GALNTL6: variants seen among roughly 807,000 people sequenced by gnomAD.
GALNTL6 encodes polypeptide N-acetylgalactosaminyltransferase-like 6.
GALNTL6 carries 46 observed loss-of-function variants against 73.7 expected under a neutral mutation model. That is an observed-to-expected ratio of 0.62 (90% CI 0.49 to 0.80). The LOEUF (loss-of-function observed/expected upper bound fraction) is 0.80. GALNTL6 is among the 30% of genes least tolerant of loss of function. The pLI, the probability that GALNTL6 is intolerant of heterozygous loss-of-function variation, is 0.00. For synonymous variants in GALNTL6, 259 were observed against 263.7 expected (o/e 0.98, Z 0.17); for missense variants, 604 against 755.0 (o/e 0.80, Z 2.34).
intron 5 of GALNTL6, among the ~76,000 whole-genome samples, chr4:172,381,372 T>C (rs56403496): frequency 0.033 from 5,048 of 152,246 alleles, 110 homozygotes; most frequent in South Asian, 0.035. Flanking sequence ...TCCAATCTTA[T>C]AATAGTTTCA....
chr4:172,748,729 A>G (rs969863596), intron 5 of GALNTL6, among the ~76,000 whole-genome samples: 14 of 152,158 alleles, frequency 9.2e-5, no homozygotes, highest in African/African-American at 3.4e-4. Flanking sequence ...ATAATAATGT[A>G]TATTTCAAAA....
At chr4:171,866,388 GA>G (rs1383731590) in intron 2 of GALNTL6, among the ~76,000 whole-genome samples, 3 of 151,644 alleles carry the variant, frequency 2.0e-5, no homozygotes, top group Non-Finnish European at 4.4e-5. Context: ...TATTATTGAA[GA>G]AAAAATATAT....
chr4:172,679,787 T>C (rs1238132543), intron 5 of GALNTL6, among the ~76,000 whole-genome samples: 2 of 152,240 alleles, frequency 1.3e-5, no homozygotes, highest in South Asian at 2.1e-4. Context: ...CCCAAGATTA[T>C]ACAATTCTTA....
intron 8 of GALNTL6, among the ~76,000 whole-genome samples, chr4:172,905,779 A>G (rs1746851057): frequency 6.9e-6 from 1 of 145,182 alleles, no homozygotes; most frequent in South Asian, 2.4e-4. Context: ...GAGTTTTAAG[A>G]TGGAAAAGAA....
chr4:172,916,985 T>A (rs1442853966), intron 8 of GALNTL6, among the ~76,000 whole-genome samples: 1 of 152,168 alleles, frequency 6.6e-6, no homozygotes, highest in Non-Finnish European at 1.5e-5. Context: ...TCACACTACC[T>A]GACTTCAAAC....
At chr4:172,871,309 T>A (rs773929537) in intron 7 of GALNTL6, among the ~76,000 whole-genome samples, 1 of 152,132 alleles carries the variant, frequency 6.6e-6, no homozygotes, top group Non-Finnish European at 1.5e-5. Flanking sequence ...GTTGAACATG[T>A]TCTTATCTGG....
At chr4:172,262,431 A>C (rs1330564081) in intron 3 of GALNTL6, among the ~76,000 whole-genome samples, 1 of 151,452 alleles carries the variant, frequency 6.6e-6, no homozygotes, top group Non-Finnish European at 1.5e-5. Flanking sequence ...GTCTCATATA[A>C]GAATAGCTAC....
intron 10 of GALNTL6, among the ~76,000 whole-genome samples, chr4:173,004,830 C>T (rs1025601872): frequency 1.3e-5 from 2 of 151,998 alleles, no homozygotes; most frequent in South Asian, 4.1e-4. Flanking sequence ...TAATTTTTTG[C>T]TGTATACCTG....
At chr4:172,065,287 C>T (rs1182178967) in intron 2 of GALNTL6, among the ~76,000 whole-genome samples, 1 of 152,090 alleles carries the variant, frequency 6.6e-6, no homozygotes, top group African/African-American at 2.4e-5. Flanking sequence ...GGTTTGTGCT[C>T]CTATGAGACT....
intron 5 of GALNTL6, among the ~76,000 whole-genome samples, chr4:172,732,718 C>T (rs1736225483): frequency 6.6e-6 from 1 of 151,928 alleles, no homozygotes; most frequent in Non-Finnish European, 1.5e-5. Context: ...CTGTGGTTAT[C>T]ATGAGATTTC....
chr4:172,697,204 A>G (rs1733750950), intron 5 of GALNTL6, among the ~76,000 whole-genome samples: 1 of 152,206 alleles, frequency 6.6e-6, no homozygotes, highest in South Asian at 2.1e-4. Flanking sequence ...ATTTCTGAAA[A>G]TACTGGTTTT....
At chr4:172,663,962 A>G (rs1007263749) in intron 5 of GALNTL6, among the ~76,000 whole-genome samples, 5 of 147,828 alleles carry the variant, frequency 3.4e-5, no homozygotes, top group Non-Finnish European at 7.5e-5. Flanking sequence ...GATGACTTAC[A>G]TGCCCAACTG....
Position 172,866,654 on chromosome 4 carries a change from C to T in GALNTL6, c.924-16136C>T, listed in dbSNP as rs542857414. Among the ~76,000 whole-genome samples the T allele has an allele frequency of 4.6e-5, 7 of 152,270 alleles. No individual in the cohort carries two copies. In the South Asian group the frequency reaches 1.2e-3, roughly 27 times the overall value. On this transcript the variant is annotated intron_variant, in intron 7 of 12. Transcript: ENST00000506823. ...TGCACTTACTGCCTCCTGACTTCACCTTTGCTCTGGCCCTCACACCCTAAG... is the reference window on the plus strand; with the variant it reads ...TGCACTTACTGCCTCCTGACTTCACTTTTGCTCTGGCCCTCACACCCTAAG...
At chr4:172,362,064 G>A (rs746984420) in intron 5 of GALNTL6, among the ~76,000 whole-genome samples, 5 of 152,154 alleles carry the variant, frequency 3.3e-5, no homozygotes, top group Non-Finnish European at 5.9e-5. Flanking sequence ...TAAAATTTAG[G>A]CTTATAATTA....
At chr4:171,904,328 C>G (rs1002450191) in intron 2 of GALNTL6, among the ~76,000 whole-genome samples, 1 of 151,704 alleles carries the variant, frequency 6.6e-6, no homozygotes, top group Non-Finnish European at 1.5e-5. Context: ...AACCAAGGCT[C>G]GAGAACTACA....
intron 9 of GALNTL6, among the ~76,000 whole-genome samples, chr4:172,951,731 A>C (rs1749452682): frequency 6.6e-6 from 1 of 152,260 alleles, no homozygotes; most frequent in Admixed American, 6.5e-5. Context: ...ATGTATAATC[A>C]TGAAATAACA....
intron 2 of GALNTL6, among the ~76,000 whole-genome samples, chr4:172,073,309 A>G (rs982076544): frequency 6.6e-6 from 1 of 152,154 alleles, no homozygotes; most frequent in African/African-American, 2.4e-5. Flanking sequence ...TGAAGCCATT[A>G]AACCATTTTT....
chr4:171,899,316 A>G (rs1341063031), intron 2 of GALNTL6, among the ~76,000 whole-genome samples: 3 of 152,026 alleles, frequency 2.0e-5, no homozygotes, highest in African/African-American at 2.4e-5. Flanking sequence ...CATTCAAAGT[A>G]TTTCAGTCTT....
At chr4:172,822,234 G>T (rs1013109417) in intron 7 of GALNTL6, among the ~76,000 whole-genome samples, 3 of 152,138 alleles carry the variant, frequency 2.0e-5, no homozygotes, top group Admixed American at 2.0e-4. Context: ...TGAGATCTCT[G>T]GGTTCCTGGG....
Sources: allele counts gnomAD v4.1 joint callset (sites outside exome capture counted in the v4.1 genomes callset), GRCh38; gene constraint gnomAD v4.1.1; transcripts MANE v1.5; gene names NCBI Gene and HGNC (gene_info 2026-07-23, HGNC 2026-07-21).